KCNQ1: variants seen among roughly 807,000 people sequenced by gnomAD.
KCNQ1 encodes the protein potassium voltage-gated channel subfamily Q member 1, also known as potassium voltage-gated channel subfamily KQT member 1.
Under a neutral mutation model 72.4 loss-of-function variants are expected in KCNQ1, and 49 were observed. The observed-to-expected ratio is 0.68, with a 90% CI of 0.54 to 0.86. The LOEUF (loss-of-function observed/expected upper bound fraction) is 0.86, where lower values mean the gene tolerates loss of function less well. Among genes scored for constraint, KCNQ1 ranks in the 40% least tolerant of loss-of-function variants. The probability of loss-of-function intolerance (pLI) is 0.00; values close to 1 mark genes in which losing one functional copy is unlikely to be tolerated. For synonymous variants in KCNQ1, 450 were observed against 412.6 expected (o/e 1.09, Z -1.10); for missense variants, 790 against 945.1 (o/e 0.84, Z 2.15).
intron 4 of KCNQ1, 58 bp from the exon 5 acceptor site, chr11:2,571,955 C>A: frequency 6.9e-7 from 1 of 1,455,506 alleles, no homozygotes; most frequent in Non-Finnish European, 9.5e-7. Flanking sequence ...GCCCTAGGCC[C>A]GGCGTGAACA....
At chr11:2,823,837 G>T (rs1224203564) in intron 15 of KCNQ1, among the ~76,000 whole-genome samples, 1 of 152,212 alleles carries the variant, frequency 6.6e-6, no homozygotes, top group Non-Finnish European at 1.5e-5. Flanking sequence ...CAATGGGGAA[G>T]CTGTGCTGGA....
rs1328536670 is a variant in KCNQ1, at chr11:2,613,551, T to C, written c.1393+24697T>C. 2.5e-5 allele frequency: 10 copies of C among 398,438 alleles called. No individual in the cohort carries two copies. Among genetic ancestry groups the C allele is most frequent in the South Asian group, 2.5e-4 (2 of 7,854 alleles). 24.7% of individuals were successfully genotyped at this position (398,438 alleles called of 1,614,324 possible). On this transcript the variant is annotated intron_variant, in intron 10 of 15. Coordinates refer to ENST00000155840, the MANE Select transcript of KCNQ1 (RefSeq NM_000218.3). This position sits in a 1 kb window ranked among gnomAD's most constrained non-coding sequence, Gnocchi z 4.8. ...CCACGTTAAATCATAACCCTGCTATTCTTAGGAAGGCTTAATATTTTTTCT... is the reference window on the plus strand; with the variant it reads ...CCACGTTAAATCATAACCCTGCTATCCTTAGGAAGGCTTAATATTTTTTCT...
At chr11:2,519,635 CAAAACAAAA>C (rs1433464851) in intron 1 of KCNQ1, among the ~76,000 whole-genome samples, 1 of 151,768 alleles carries the variant, frequency 6.6e-6, no homozygotes, top group Non-Finnish European at 1.5e-5. Context: ...CAAAACAAAA[CAAAACAAAA>C]AACCAAAAAA....
At chr11:2,530,497 G>A (rs1181640924) in intron 2 of KCNQ1, among the ~76,000 whole-genome samples, 2 of 152,256 alleles carry the variant, frequency 1.3e-5, no homozygotes, top group African/African-American at 4.8e-5. Flanking sequence ...GAGAGTCTCC[G>A]TGTGAGGCCC....
In KCNQ1 at chr11:2,547,506, T is replaced by C. The variant is rs928220144; in HGVS notation, c.477+19488T>C. On this transcript the variant is annotated intron_variant, in intron 2 of 15. Transcript: ENST00000155840. This position sits in a 1 kb window ranked among gnomAD's most constrained non-coding sequence, Gnocchi z 4.2. ...GCCTCAGCCTCCCAAAGTGCTGGGA[T>C]CACAGGCATGAGCCACCGTGCCCAG... 5.3e-5 allele frequency among the ~76,000 whole-genome samples: 8 copies of C among 152,068 alleles called. No homozygotes were observed. Among genetic ancestry groups the C allele is most frequent in the African/African-American group, 1.7e-4 (7 of 41,294 alleles).
chr11:2,620,948 GTT>G lies in KCNQ1; in HGVS notation c.1393+32102_1393+32103del, dbSNP rs58203092. ...TTTTTTGTTGTTGTTGTTTTGTTTT[GTT>G]TTTTTTTGTCTGTTTTTTGCTTTTT... is the stretch of plus-strand genomic sequence containing the variant. On this transcript the variant is annotated intron_variant, in intron 10 of 15. Coordinates refer to ENST00000155840, the MANE Select transcript of KCNQ1 (RefSeq NM_000218.3). The surrounding 1 kb of genome is among the most constrained non-coding windows in gnomAD (Gnocchi z 4.5). 2.9e-6 allele frequency: 1 copy of G among 343,498 alleles called. No homozygotes were observed. The highest frequency in any genetic ancestry group is 1.4e-4 in the South Asian group (1 of 7,082). 21.3% of individuals were successfully genotyped at this position (343,498 alleles called of 1,614,324 possible).
At chr11:2,790,741 G>A (rs779349107) in intron 15 of KCNQ1, among the ~76,000 whole-genome samples, 33 of 152,226 alleles carry the variant, frequency 2.2e-4, no homozygotes, top group Admixed American at 1.9e-3. Context: ...GCCCTGTGGC[G>A]TGGGCAGTGT....
chr11:2,613,875 G>A lies in KCNQ1; in HGVS notation c.1393+25021G>A, dbSNP rs1345355830. ...GTTTGTGTGTGTTTGCTCTTTATAAGACATGATTATTTTCTCATTTCCCAA... is the reference window on the plus strand; with the variant it reads ...GTTTGTGTGTGTTTGCTCTTTATAAAACATGATTATTTTCTCATTTCCCAA... On this transcript the variant is annotated intron_variant, in intron 10 of 15. Coordinates refer to ENST00000155840, the MANE Select transcript of KCNQ1 (RefSeq NM_000218.3). The surrounding 1 kb of genome is among the most constrained non-coding windows in gnomAD (Gnocchi z 4.8). 2.5e-6 allele frequency: 1 copy of A among 398,326 alleles called. No individual in the cohort carries two copies. The highest frequency in any genetic ancestry group is 4.4e-6 in the Non-Finnish European group (1 of 226,034). 24.7% of individuals were successfully genotyped at this position (398,326 alleles called of 1,614,324 possible).
At position 2,601,633 on chromosome 11, in the gene KCNQ1, CT is replaced by C. The variant is rs1341327997; in HGVS notation, c.1393+12783del. ...CTGTTCTCTGATTCTCTAGTTTTGT[CT>C]TTTCAAAAATGCCACGTAAATGGAA... On this transcript the variant is annotated intron_variant, in intron 10 of 15. Transcript: ENST00000155840. The surrounding 1 kb of genome is among the most constrained non-coding windows in gnomAD (Gnocchi z 5.2). Among the ~76,000 whole-genome samples the C allele has an allele frequency of 6.6e-6, 1 of 152,192 alleles. No individual in the cohort carries two copies. Among genetic ancestry groups the C allele is most frequent in the African/African-American group, 2.4e-5 (1 of 41,452 alleles).
At position 2,447,372 on chromosome 11, in the gene KCNQ1, C is replaced by T. The variant is rs1267472509; in HGVS notation, c.386+1888C>T. 6.6e-6 allele frequency among the ~76,000 whole-genome samples: 1 copy of T among 152,084 alleles called. No individual in the cohort carries two copies. Among genetic ancestry groups the T allele is most frequent in the East Asian group, 1.9e-4 (1 of 5,184 alleles). ...TGGCCAGATCTGGGGCTGGTCCTTT[C>T]CAGTTCTGGGTCCTGTCCTTGTAAG... is the stretch of plus-strand genomic sequence containing the variant. On this transcript the variant is annotated intron_variant, in intron 1 of 15. Transcript: ENST00000155840. The surrounding 1 kb of genome is among the most constrained non-coding windows in gnomAD (Gnocchi z 7.6).
Position 2,564,665 on chromosome 11 carries a change from C to T in KCNQ1, c.478-5963C>T, listed in dbSNP as rs1018670338. Among the ~76,000 whole-genome samples the T allele has an allele frequency of 6.6e-6, 1 of 152,224 alleles. No individual in the cohort carries two copies. Among genetic ancestry groups the T allele is most frequent in the African/African-American group, 2.4e-5 (1 of 41,446 alleles). ...TAAGATCACAGTTCCTTGCGACCAT[C>T]GCCACCATCCAGCTCCAGAGCTTTT... On this transcript the variant is annotated intron_variant, in intron 2 of 15. Transcript: ENST00000155840. This position sits in a 1 kb window ranked among gnomAD's most constrained non-coding sequence, Gnocchi z 4.5.
chr11:2,708,921 G>A (rs943849450), intron 11 of KCNQ1, among the ~76,000 whole-genome samples: 5 of 152,030 alleles, frequency 3.3e-5, no homozygotes, highest in African/African-American at 1.2e-4. Flanking sequence ...TCTGCTTGGA[G>A]TGCAATCTTT....
Position 2,724,458 on chromosome 11 carries a change from G to A in KCNQ1, c.1515-44386G>A, listed in dbSNP as rs1040893113. ...TGGCAAGCTAACACTGCCCTTGGAG[G>A]AAGGAGGGTGGGAGGGCAAAGAGAG... On this transcript the variant is annotated intron_variant, in intron 11 of 15. Transcript: ENST00000155840. This position sits in a 1 kb window ranked among gnomAD's most constrained non-coding sequence, Gnocchi z 6.8. 3.3e-5 allele frequency among the ~76,000 whole-genome samples: 5 copies of A among 152,152 alleles called. No homozygotes were observed. Among genetic ancestry groups the A allele is most frequent in the African/African-American group, 1.2e-4 (5 of 41,430 alleles).
Position 2,483,769 on chromosome 11 carries a change from C to T in KCNQ1, c.386+38285C>T, listed in dbSNP as rs112904488. Among the ~76,000 whole-genome samples the T allele has an allele frequency of 2.6e-5, 4 of 152,224 alleles. No individual in the cohort carries two copies. Among genetic ancestry groups the T allele is most frequent in the South Asian group, 2.1e-4 (1 of 4,822 alleles). On this transcript the variant is annotated intron_variant, in intron 1 of 15. Coordinates refer to ENST00000155840, the MANE Select transcript of KCNQ1 (RefSeq NM_000218.3). The surrounding 1 kb of genome is among the most constrained non-coding windows in gnomAD (Gnocchi z 6.1). ...TGTGTGAGGTCAGCATGTCTTAGGG[C>T]GGGTTCATTTGACCTTGACCACTCA...
chr11:2,445,490 T>G lies in KCNQ1; in HGVS notation c.386+6T>G. 1 of 1,593,370 alleles carries G rather than the reference T, an allele frequency of 6.3e-7. No homozygotes were observed. The highest frequency in any genetic ancestry group is 2.2e-5 in the East Asian group (1 of 44,698). ...TTCGTTTACCACTTCGCCGTGTGAG[T>G]ATCGCCACCGGCGACGGCCGGCACG... On this transcript the variant is annotated splice_donor_region_variant and intron_variant, in intron 1 of 15. Coordinates refer to ENST00000155840, the MANE Select transcript of KCNQ1 (RefSeq NM_000218.3).
chr11:2,465,454 G>A (rs1225054264), intron 1 of KCNQ1, among the ~76,000 whole-genome samples: 1 of 152,224 alleles, frequency 6.6e-6, no homozygotes, highest in Non-Finnish European at 1.5e-5. Flanking sequence ...GAGGAACCAC[G>A]GCCCCCACCA....
At position 2,549,339 on chromosome 11, in the gene KCNQ1, GCA is replaced by G. The variant is rs1330807441; in HGVS notation, c.478-21287_478-21286del. Among the ~76,000 whole-genome samples, 2 of 152,054 alleles carry G rather than the reference GCA, an allele frequency of 1.3e-5. No homozygotes were observed. Among genetic ancestry groups the G allele is most frequent in the Non-Finnish European group, 2.9e-5 (2 of 67,982 alleles). On this transcript the variant is annotated intron_variant, in intron 2 of 15. Coordinates refer to ENST00000155840, the MANE Select transcript of KCNQ1 (RefSeq NM_000218.3). This position sits in a 1 kb window ranked among gnomAD's most constrained non-coding sequence, Gnocchi z 6.2. ...GGGTGCGGGACAAACCTGGGTCCAG[GCA>G]CCTGGGGCGACCCTCCTTGGCCGTC...
At chr11:2,727,931 G>A (rs757526664) in intron 11 of KCNQ1, among the ~76,000 whole-genome samples, 17 of 152,110 alleles carry the variant, frequency 1.1e-4, no homozygotes, top group African/African-American at 2.4e-4. Context: ...CCGGGGCCGC[G>A]CTAGTCAAAG....
At chr11:2,553,170 T>G (rs542250461) in intron 2 of KCNQ1, among the ~76,000 whole-genome samples, 3 of 142,340 alleles carry the variant, frequency 2.1e-5, no homozygotes, top group African/African-American at 5.4e-5. Context: ...TTGTTTTTTT[T>G]TTTTTTGTTT....
Sources: allele counts gnomAD v4.1 joint callset (sites outside exome capture counted in the v4.1 genomes callset), GRCh38; gene constraint gnomAD v4.1.1; non-coding constraint Gnocchi (gnomAD v3.1); transcripts MANE v1.5; gene names NCBI Gene and HGNC (gene_info 2026-07-23, HGNC 2026-07-21).